Variants in ADGRG5 observed in about 807,000 individuals in gnomAD.
ADGRG5 encodes adhesion G protein-coupled receptor G5.
A neutral mutation model predicts 53.2 loss-of-function variants in ADGRG5; 37 were observed. That is an observed-to-expected ratio of 0.70 (90% CI 0.53 to 0.91). The LOEUF (loss-of-function observed/expected upper bound fraction) is 0.91. Among genes scored for constraint, ADGRG5 ranks in the 40% least tolerant of loss-of-function variants. The pLI is 0.00. For missense variants in ADGRG5, 614 were observed against 675.8 expected (o/e 0.91, Z 1.01); for synonymous variants, 277 against 290.4 (o/e 0.95, Z 0.47).
At position 57,574,679 on chromosome 16, in the gene ADGRG5, G is replaced by T. The variant is rs576701478; in HGVS notation, c.1209-136G>T. The T allele has an allele frequency of 1.0e-4, 96 of 946,162 alleles. No individual in the cohort carries two copies. In the East Asian group the frequency reaches 2.6e-3, roughly 26 times the overall value. 58.6% of individuals were successfully genotyped at this position (946,162 alleles called of 1,614,324 possible). A position where few individuals can be genotyped will look rare whatever the true frequency, so the allele number is the denominator to read the frequency against. The stretch of plus-strand genomic sequence containing the variant: ...GCCTGGCTGGAAAGCCGGGTGAGGG[G>T]TTTCACTGTGTGTTCAGTCAGGCAA... On this transcript the variant is annotated intron_variant, in intron 10 of 11. Transcript: ENST00000349457. This position sits in a 1 kb window ranked among gnomAD's most constrained non-coding sequence, Gnocchi z 4.4.
rs201435952 is a variant in ADGRG5 at position 57,567,988 on chromosome 16, C to T, written c.954C>T (p.Ala318=). 12 of 1,614,032 alleles carry T rather than the reference C, an allele frequency of 7.4e-6. No individual in the cohort carries two copies. The highest frequency in any genetic ancestry group is 3.3e-5 in the Admixed American group (2 of 60,010). ...CCGGGTCAGCATGCACGGCTCTGGC[C>T]GCTGCCCTGCACTACGCGCTGCTCA... The part of the protein sequence containing the change: ...PVPGSACTAL[A]AALHYALLSC... Residue 318 remains alanine, a synonymous_variant, in exon 9 of 12, where the codon GCC becomes GCT. Transcript: ENST00000349457.
chr16:57,537,716 G>T (rs1342847835), upstream of ADGRG5, among the ~76,000 whole-genome samples: 1 of 152,106 alleles, frequency 6.6e-6, no homozygotes, highest in African/African-American at 2.4e-5. Flanking sequence ...GTGGGCAGCG[G>T]CTGTTCCATT....
chr16:57,551,147 G>A (rs2032740910), intron 1 of ADGRG5, among the ~76,000 whole-genome samples: 1 of 152,194 alleles, frequency 6.6e-6, no homozygotes, highest in African/African-American at 2.4e-5. Context: ...AAAAGTACTA[G>A]CAATCTATCT....
chr16:57,569,025 C>A (rs1301258183), intron 9 of ADGRG5, among the ~76,000 whole-genome samples: 1 of 151,828 alleles, frequency 6.6e-6, no homozygotes, highest in African/African-American at 2.4e-5. Flanking sequence ...CCTCCATCAC[C>A]ACCATCACCA....
At chr16:57,550,820 G>A (rs1307257017) in intron 1 of ADGRG5, among the ~76,000 whole-genome samples, 3 of 152,158 alleles carry the variant, frequency 2.0e-5, no homozygotes, top group African/African-American at 7.2e-5. Context: ...ATGAGGTCAG[G>A]AGATCGAGAC....
the ADGRG5 span, among the ~76,000 whole-genome samples, chr16:57,531,032 T>G: frequency 1.2e-3 from 179 of 151,908 alleles, 1 homozygote; most frequent in African/African-American, 4.2e-3. Context: ...CCTGGGCTTA[T>G]CCCTCGAATG....
chr16:57,549,532 A>G (rs78832700), intron 1 of ADGRG5, among the ~76,000 whole-genome samples: 2,201 of 152,226 alleles, frequency 0.014, 43 homozygotes, highest in African/African-American at 0.051. Flanking sequence ...CATCCTCTTA[A>G]TATGTTTTTT....
rs2033044639 is a variant in ADGRG5, at chr16:57,563,127, C to G, written c.177C>G (p.Thr59=). 1.2e-6 allele frequency: 2 copies of G among 1,614,064 alleles called. No homozygotes were observed. The highest frequency in any genetic ancestry group is 1.7e-6 in the Non-Finnish European group (2 of 1,180,028). ...AGCTGGAGCAGATGCTACTGAACAC[C>G]AGCTTCCCAGGCTACAACCTGACCT... ...LHQLEQMLLN[T]SFPGYNLTLQ... Residue 59 remains threonine, a synonymous_variant, in exon 4 of 12, where the codon ACC becomes ACG. Transcript: ENST00000349457.
chr16:57,534,835 C>G, the ADGRG5 span, among the ~76,000 whole-genome samples: 2 of 152,196 alleles, frequency 1.3e-5, no homozygotes, highest in Admixed American at 6.5e-5. Flanking sequence ...ATCTCACGGC[C>G]AAGTCGGCTG....
At chr16:57,532,326 C>T in the ADGRG5 span, among the ~76,000 whole-genome samples, 3,953 of 152,268 alleles carry the variant, frequency 0.026, 138 homozygotes, top group South Asian at 0.082. Context: ...ACATCTGTGT[C>T]ACGCACCCAG....
chr16:57,569,823 CATT>C (rs1390338584), intron 9 of ADGRG5, among the ~76,000 whole-genome samples: 1 of 151,932 alleles, frequency 6.6e-6, no homozygotes, highest in African/African-American at 2.4e-5. Flanking sequence ...CTATCATCAT[CATT>C]ACCTCCTCCA....
chr16:57,575,399 C>T (rs2033488088), intron 11 of ADGRG5, 39 bp from the exon 12 acceptor site: 9 of 1,582,722 alleles, frequency 5.7e-6, no homozygotes, highest in Non-Finnish European at 6.1e-6. Flanking sequence ...TTTGGGGAAG[C>T]CCATGCTGCC....
chr16:57,543,444 G>A (rs2032538575), intron 1 of ADGRG5, among the ~76,000 whole-genome samples: 1 of 151,972 alleles, frequency 6.6e-6, no homozygotes, highest in African/African-American at 2.4e-5. Context: ...CAGCATGCCT[G>A]GCTAATTTTC....
chr16:57,571,910 C>T (rs1291800253), intron 10 of ADGRG5, among the ~76,000 whole-genome samples: 1 of 151,978 alleles, frequency 6.6e-6, no homozygotes, highest in Non-Finnish European at 1.5e-5. Flanking sequence ...TCCCAAAGTG[C>T]TGGGATTACA....
At position 57,575,765 on chromosome 16, in the gene ADGRG5, C is replaced by G; in HGVS notation, c.*227C>G. ...GCAGATCCAACCTTACCTGGGGCAG[C>G]AAACTTTGTCCTGGTACCTGGGCCC... On this transcript the variant is annotated 3_prime_UTR_variant, in exon 12 of 12. Coordinates refer to ENST00000349457, the MANE Select transcript of ADGRG5 (RefSeq NM_001304376.3). The G allele has an allele frequency of 1.9e-6, 1 of 522,934 alleles. No homozygotes were observed. The highest frequency in any genetic ancestry group is 3.5e-6 in the Non-Finnish European group (1 of 288,724). 32.4% of individuals were successfully genotyped at this position (522,934 alleles called of 1,614,324 possible). A position where few individuals can be genotyped will look rare whatever the true frequency, so the allele number is the denominator to read the frequency against.
rs970678622 is a variant in ADGRG5, at chr16:57,563,014, C to A, written c.141-77C>A. The A allele has an allele frequency of 1.0e-4, 155 of 1,505,436 alleles. No homozygotes were observed. The Middle Eastern group carries it at 1.7e-3, about 16-fold the overall frequency. 93.3% of individuals were successfully genotyped at this position (1,505,436 alleles called of 1,614,324 possible). ...GTGTGGGTGGGGAGGCCCTGCCCTC[C>A]CAGGCTGTCTACAGCCCCCTCTCAC... On this transcript the variant is annotated intron_variant, in intron 3 of 11. Coordinates refer to ENST00000349457, the MANE Select transcript of ADGRG5 (RefSeq NM_001304376.3).
the ADGRG5 span, among the ~76,000 whole-genome samples, chr16:57,535,813 C>T: frequency 2.6e-5 from 4 of 152,184 alleles, no homozygotes; most frequent in East Asian, 7.7e-4. Context: ...CCTGAACGCT[C>T]TAACAGGTGG....
At chr16:57,534,425 C>T in the ADGRG5 span, among the ~76,000 whole-genome samples, 343 of 152,358 alleles carry the variant, frequency 2.3e-3, 1 homozygote, top group African/African-American at 8.0e-3. Context: ...CCAGTGGTTC[C>T]TGTTGCTTGT....
intron 4 of ADGRG5, 91 bp from the exon 5 acceptor site, chr16:57,563,757 A>G: frequency 5.9e-6 from 9 of 1,529,252 alleles, no homozygotes; most frequent in Non-Finnish European, 8.1e-6. Context: ...AACCCCAAGG[A>G]AGGTTTCACG....
Sources: allele counts gnomAD v4.1 joint callset (sites outside exome capture counted in the v4.1 genomes callset), GRCh38; gene constraint gnomAD v4.1.1; non-coding constraint Gnocchi (gnomAD v3.1); transcripts MANE v1.5; gene names NCBI Gene and HGNC (gene_info 2026-07-23, HGNC 2026-07-21).